Variants in ZBTB20 observed in about 807,000 individuals in gnomAD.
ZBTB20 encodes the protein zinc finger and BTB domain containing 20.
ZBTB20 carries 9 observed loss-of-function variants against 56.9 expected under a neutral mutation model. The observed-to-expected ratio is 0.16, with a 90% confidence interval of 0.10 to 0.28. The LOEUF is 0.28. Ranked by LOEUF, ZBTB20 falls within the 10% of genes least tolerant of loss-of-function variation. The pLI, the probability that ZBTB20 is intolerant of heterozygous loss-of-function variation, is 1.00. For synonymous variants in ZBTB20, 417 were observed against 420.7 expected (o/e 0.99, Z 0.11); for missense variants, 655 against 1,003.0 (o/e 0.65, Z 4.69).
intron 4 of ZBTB20, among the ~76,000 whole-genome samples, chr3:114,855,212 T>C (rs2075189925): frequency 6.6e-6 from 1 of 152,240 alleles, no homozygotes; most frequent in Non-Finnish European, 1.5e-5. Flanking sequence ...ATAGCATTTG[T>C]ATAACTCTTT....
intron 7 of ZBTB20, among the ~76,000 whole-genome samples, chr3:114,395,169 C>T (rs767107369): frequency 4.6e-5 from 7 of 151,974 alleles, no homozygotes; most frequent in South Asian, 4.1e-4. Flanking sequence ...TTAGTGGGGA[C>T]GGGTTACTAA....
chr3:114,881,026 G>A (rs184078979), intron 4 of ZBTB20, among the ~76,000 whole-genome samples: 1 of 152,032 alleles, frequency 6.6e-6, no homozygotes, highest in Admixed American at 6.5e-5. Flanking sequence ...AAAATAAAAT[G>A]AAGAGTAGGA....
chr3:115,027,818 A>G (rs1031447491), intron 2 of ZBTB20, among the ~76,000 whole-genome samples: 7 of 150,858 alleles, frequency 4.6e-5, no homozygotes, highest in African/African-American at 1.5e-4. Flanking sequence ...AATTGACTCT[A>G]TAAATGGAAA....
At chr3:114,718,297 AAT>A (rs1342245890) in intron 5 of ZBTB20, among the ~76,000 whole-genome samples, 1 of 152,128 alleles carries the variant, frequency 6.6e-6, no homozygotes, top group Non-Finnish European at 1.5e-5. Flanking sequence ...AAGTAACCTG[AAT>A]ATGTTTTCTG....
At position 114,696,308 on chromosome 3, in the gene ZBTB20, G is replaced by A. The variant is rs1408631037; in HGVS notation, c.-342-2733C>T. 5.3e-5 allele frequency among the ~76,000 whole-genome samples: 8 copies of A among 152,146 alleles called. No homozygotes were observed. In the East Asian group the frequency reaches 1.4e-3, roughly 26 times the overall value. On this transcript the variant is annotated intron_variant, in intron 5 of 11. Coordinates refer to ENST00000675478, the MANE Select transcript of ZBTB20 (RefSeq NM_001348800.3). The stretch of plus-strand genomic sequence containing the variant: ...GCTTTAATATCCAGAAGTAAAGTAT[G>A]ATCTTAAAGAATGATGCTGATCTGA...
chr3:114,952,076 A>G (rs1253367501), intron 3 of ZBTB20, among the ~76,000 whole-genome samples: 4 of 152,160 alleles, frequency 2.6e-5, no homozygotes, highest in African/African-American at 9.6e-5. Flanking sequence ...TGGGACAATA[A>G]CAAGAAGTCT....
chr3:114,502,359 G>C (rs1174567805), intron 6 of ZBTB20, among the ~76,000 whole-genome samples: 1 of 152,156 alleles, frequency 6.6e-6, no homozygotes, highest in East Asian at 1.9e-4. Flanking sequence ...CTGCACTATT[G>C]TAGAGATTTC....
intron 6 of ZBTB20, among the ~76,000 whole-genome samples, chr3:114,639,726 G>C (rs1156878836): frequency 6.6e-6 from 1 of 151,892 alleles, no homozygotes; most frequent in Non-Finnish European, 1.5e-5. Flanking sequence ...GCAATAGTTA[G>C]CAATACGAGT....
rs915538166 is a variant in ZBTB20, at chr3:114,701,265, T to C, written c.-342-7690A>G. On this transcript the variant is annotated intron_variant, in intron 5 of 11. Coordinates refer to ENST00000675478, the MANE Select transcript of ZBTB20 (RefSeq NM_001348800.3). Reference sequence around the variant, plus strand: ...ATTATTGTAGGAAACATTACAATTATAGGAGACAGGAATTTCTGATGGTTT... The same window carrying C: ...ATTATTGTAGGAAACATTACAATTACAGGAGACAGGAATTTCTGATGGTTT... 4.6e-5 allele frequency among the ~76,000 whole-genome samples: 7 copies of C among 152,340 alleles called. No individual in the cohort carries two copies. In the South Asian group the frequency reaches 8.3e-4, roughly 18 times the overall value.
intron 1 of ZBTB20, among the ~76,000 whole-genome samples, chr3:115,125,051 G>A (rs1409433977): frequency 6.6e-6 from 1 of 151,616 alleles, no homozygotes; most frequent in Non-Finnish European, 1.5e-5. Flanking sequence ...AAAGGAAAAT[G>A]TGATATACAG....
intron 7 of ZBTB20, among the ~76,000 whole-genome samples, chr3:114,442,120 TCA>T (rs2090970022): frequency 1.3e-5 from 2 of 152,102 alleles, no homozygotes; most frequent in Admixed American, 1.3e-4. Flanking sequence ...GAGGGAAATG[TCA>T]GTTTCCCCCT....
intron 7 of ZBTB20, among the ~76,000 whole-genome samples, chr3:114,489,231 T>A (rs1428379042): frequency 6.6e-6 from 1 of 152,124 alleles, no homozygotes; most frequent in Admixed American, 6.5e-5. Flanking sequence ...CTGCAATAAA[T>A]ACTTAAAAAT....
At chr3:114,918,739 T>G (rs928065470) in intron 3 of ZBTB20, among the ~76,000 whole-genome samples, 1 of 152,206 alleles carries the variant, frequency 6.6e-6, no homozygotes, top group African/African-American at 2.4e-5. Flanking sequence ...GGATCCAAGT[T>G]GCAAGACAAA....
intron 5 of ZBTB20, among the ~76,000 whole-genome samples, chr3:114,703,961 T>C (rs1256106534): frequency 6.6e-6 from 1 of 152,198 alleles, no homozygotes; most frequent in Non-Finnish European, 1.5e-5. Context: ...GGAATAGATA[T>C]TCTTTTCTTA....
Position 114,698,155 on chromosome 3 carries a change from A to T in ZBTB20, c.-342-4580T>A, listed in dbSNP as rs563826604. The stretch of plus-strand genomic sequence containing the variant: ...ATATTATTTGAAATATATCACGGGA[A>T]TGTCATCAGGGTAAAGAGAAATACA... On this transcript the variant is annotated intron_variant, in intron 5 of 11. Transcript: ENST00000675478. Among the ~76,000 whole-genome samples the T allele has an allele frequency of 2.6e-5, 4 of 152,232 alleles. No homozygotes were observed. The East Asian group carries it at 7.7e-4, about 29-fold the overall frequency.
At chr3:114,989,852 C>G (rs150393797) in intron 2 of ZBTB20, among the ~76,000 whole-genome samples, 2,708 of 152,184 alleles carry the variant, frequency 0.018, 31 homozygotes, top group Non-Finnish European at 0.023. Flanking sequence ...GTATTTTACT[C>G]TCTTTGAAGC....
intron 10 of ZBTB20, among the ~76,000 whole-genome samples, chr3:114,376,337 ACT>A (rs1411855305): frequency 4.6e-5 from 7 of 152,200 alleles, no homozygotes; most frequent in African/African-American, 1.7e-4. Flanking sequence ...TGATGCCAGC[ACT>A]CAAGGGGACA....
At chr3:114,639,448 G>A (rs2059438484) in intron 6 of ZBTB20, among the ~76,000 whole-genome samples, 1 of 151,104 alleles carries the variant, frequency 6.6e-6, no homozygotes, top group South Asian at 2.1e-4. Context: ...TTGTGAACTA[G>A]TCCACAACAA....
intron 7 of ZBTB20, among the ~76,000 whole-genome samples, chr3:114,463,165 A>G (rs1342031871): frequency 6.6e-6 from 1 of 152,224 alleles, no homozygotes; most frequent in Non-Finnish European, 1.5e-5. Context: ...CCAATCTTAC[A>G]AATTGTTCTG....
Sources: gnomAD v4.1 joint callset for allele counts (sites outside exome capture counted in the v4.1 genomes callset) on GRCh38, gnomAD v4.1.1 for gene constraint, MANE v1.5 for transcripts, NCBI Gene and HGNC (gene_info 2026-07-23, HGNC 2026-07-21) for gene names.